The following ZDHHC16 variants were observed in gnomAD, a reference collection of about 807,000 sequenced individuals.
ZDHHC16 encodes the protein palmitoyltransferase ZDHHC16.
In ZDHHC16, 33 loss-of-function variants were observed where a neutral mutation model predicts 54.4. The observed-to-expected ratio is 0.61, with a 90% CI of 0.46 to 0.81. The LOEUF (loss-of-function observed/expected upper bound fraction) is 0.81, where lower values mean the gene tolerates loss of function less well. Among genes scored for constraint, ZDHHC16 ranks in the 30% least tolerant of loss-of-function variants. ZDHHC16 has a pLI of 0.00. For missense variants in ZDHHC16, 420 were observed against 485.9 expected (o/e 0.86, Z 1.28); for synonymous variants, 185 against 182.1 (o/e 1.02, Z -0.13).
rs1846693652 is a variant in ZDHHC16, at chr10:97,452,123, T to A, written c.277T>A (p.Ser93Thr). ...FVVLVIVLTG[S>T]IVAIAYLCVL... ...GGTCCTGGTGATCGTGCTGACAGGC[T>A]CCATTGTAGCTATCGCCTACCTGTG... The change falls in exon 4 of 12, where the codon TCC (serine) becomes ACC (threonine). Residue 93 changes from serine to threonine, a missense_variant. Transcript: ENST00000393760. 1 of 1,614,008 alleles carries A rather than the reference T, an allele frequency of 6.2e-7. No homozygotes were observed. The highest frequency in any genetic ancestry group is 1.3e-5 in the African/African-American group (1 of 75,046).
At chr10:97,453,396 CT>C (rs1245240615) in intron 6 of ZDHHC16, 133 bp from the exon 7 acceptor site, 15 of 1,294,120 alleles carry the variant, frequency 1.2e-5, no homozygotes, top group Non-Finnish European at 1.5e-5. Context: ...ATTTTCTTGC[CT>C]TTGGAAAGTA....
Position 97,452,411 on chromosome 10 carries a change from A to G in ZDHHC16, c.439-4A>G, listed in dbSNP as rs781451893. The G allele has an allele frequency of 3.7e-6, 6 of 1,614,036 alleles. No individual in the cohort carries two copies. The highest frequency in any genetic ancestry group is 3.3e-4 in the Middle Eastern group (2 of 6,060). ...CTGCCACGTTATGCTCTCCCTTCAC[A>G]CAGGGCAGGAATGATATCGCCACCG... On this transcript the variant is annotated splice_region_variant and splice_polypyrimidine_tract_variant and intron_variant, in intron 4 of 11. Transcript: ENST00000393760.
intron 1 of ZDHHC16, among the ~76,000 whole-genome samples, chr10:97,446,917 C>T (rs1047933655): frequency 6.6e-6 from 1 of 152,218 alleles, no homozygotes; most frequent in Non-Finnish European, 1.5e-5. Flanking sequence ...CGGGGTTTCA[C>T]CATGTTAGCC....
intron 1 of ZDHHC16, among the ~76,000 whole-genome samples, chr10:97,447,778 C>A (rs181757191): frequency 6.6e-6 from 1 of 152,096 alleles, no homozygotes; most frequent in Non-Finnish European, 1.5e-5. Flanking sequence ...ACAAAATTAG[C>A]CAGGCGTGGT....
intron 9 of ZDHHC16, 126 bp downstream of exon 9, chr10:97,454,925 G>C: frequency 2.6e-6 from 2 of 776,466 alleles, no homozygotes; most frequent in Non-Finnish European, 4.3e-6. Context: ...TAGGTTGGCA[G>C]AGAGCCAGCA....
At chr10:97,453,925 G>A (rs1308598130) in intron 8 of ZDHHC16, 79 bp downstream of exon 8, 9 of 1,593,112 alleles carry the variant, frequency 5.6e-6, no homozygotes, top group Admixed American at 1.7e-5. Flanking sequence ...GGGCCGACCT[G>A]CCCATGTAGT....
chr10:97,452,034 T>C, intron 3 of ZDHHC16, 56 bp from the exon 4 acceptor site: 1 of 1,605,960 alleles, frequency 6.2e-7, no homozygotes, highest in South Asian at 1.1e-5. Flanking sequence ...AAACTCCGAG[T>C]CTCCTTTGGG....
chr10:97,452,531 TC>T, intron 5 of ZDHHC16, 28 bp downstream of exon 5: 1 of 1,608,190 alleles, frequency 6.2e-7, no homozygotes, highest in Non-Finnish European at 8.5e-7. Context: ...TCTCTGGGAA[TC>T]CCAGCTGTGG....
intron 2 of ZDHHC16, 24 bp from the exon 3 acceptor site, chr10:97,451,647 C>A: frequency 6.3e-7 from 1 of 1,592,946 alleles, no homozygotes; most frequent in Non-Finnish European, 8.5e-7. Context: ...CAGACTAGAT[C>A]CTCACAATGG....
intron 1 of ZDHHC16, among the ~76,000 whole-genome samples, chr10:97,447,255 T>C (rs1010925801): frequency 3.3e-5 from 5 of 152,266 alleles, no homozygotes; most frequent in Admixed American, 2.6e-4. Flanking sequence ...TATCTCCTAC[T>C]TGAGATTGCA....
Position 97,454,765 on chromosome 10 carries a change from C to T in ZDHHC16, c.790C>T (p.His264Tyr). Residue 264 changes from histidine (H) to tyrosine (Y), a missense_variant, in exon 9 of 12, where the codon CAC becomes TAC. Physicochemically the swap from His to Tyr is moderately conservative, Grantham distance 83. Coordinates refer to ENST00000393760, the MANE Select transcript of ZDHHC16 (RefSeq NM_198046.3). ...CTTCTCCTTTCGAGAAAGGATGACTCACAAGAGTCTTGTCTACCTCTGGTT... is the reference window on the plus strand; with the variant it reads ...CTTCTCCTTTCGAGAAAGGATGACTTACAAGAGTCTTGTCTACCTCTGGTT... ...PTFSFRERMT[H>Y]KSLVYLWFLC... 6.2e-7 allele frequency: 1 copy of T among 1,614,210 alleles called. No individual in the cohort carries two copies. The highest frequency in any genetic ancestry group is 8.5e-7 in the Non-Finnish European group (1 of 1,180,032).
Position 97,457,059 on chromosome 10 carries a change from G to C in ZDHHC16, c.*168G>C. 1 of 448,864 alleles carries C rather than the reference G, an allele frequency of 2.2e-6. No individual in the cohort carries two copies. Among genetic ancestry groups the C allele is most frequent in the East Asian group, 3.4e-5 (1 of 29,080 alleles). 27.8% of individuals were successfully genotyped at this position (448,864 alleles called of 1,614,324 possible). A position where few individuals can be genotyped will look rare whatever the true frequency, so the allele number is the denominator to read the frequency against. ...GACCAGCCTTTTTACCACTGCAGAAGAAAGACACAATGTGGAGAAATCTTA... is the reference window on the plus strand; with the variant it reads ...GACCAGCCTTTTTACCACTGCAGAACAAAGACACAATGTGGAGAAATCTTA... On this transcript the variant is annotated 3_prime_UTR_variant, in exon 12 of 12. Transcript: ENST00000393760.
Position 97,451,888 on chromosome 10 carries a change from G to A in ZDHHC16, c.213G>A (p.Leu71=), listed in dbSNP as rs1455528916. The part of the protein sequence containing the change: ...VDAAFEPVYW[L]VDNVIRWFGV... ...CTGCCTTTGAGCCTGTCTACTGGCT[G>A]GTAGACAACGTGATCCGCTGGTTTG... is the stretch of plus-strand genomic sequence containing the variant. The change falls in exon 3 of 12, where the codon CTG becomes CTA. Residue 71 remains leucine, a synonymous_variant. Transcript: ENST00000393760. 5 of 1,613,424 alleles carry A rather than the reference G, an allele frequency of 3.1e-6. No homozygotes were observed. The highest frequency in any genetic ancestry group is 2.7e-5 in the African/African-American group (2 of 74,928).
At chr10:97,455,625 A>G (rs761762741) in intron 9 of ZDHHC16, 35 bp from the exon 10 acceptor site, 6 of 1,614,202 alleles carry the variant, frequency 3.7e-6, no homozygotes, top group Middle Eastern at 1.6e-4. Context: ...AGCCCTCTCT[A>G]AACTACCCAC....
At chr10:97,451,554 C>A in intron 2 of ZDHHC16, 117 bp from the exon 3 acceptor site, 1 of 1,414,062 alleles carries the variant, frequency 7.1e-7, no homozygotes, top group Non-Finnish European at 9.5e-7. Context: ...TGGTGACTGG[C>A]CTAGCTGGGT....
At chr10:97,450,148 G>A (rs1846488782) in intron 1 of ZDHHC16, among the ~76,000 whole-genome samples, 1 of 152,090 alleles carries the variant, frequency 6.6e-6, no homozygotes, top group Non-Finnish European at 1.5e-5. Context: ...TGGGATTACA[G>A]GCGTGAGCCA....
intron 11 of ZDHHC16, 80 bp from the exon 12 acceptor site, chr10:97,456,697 G>C (rs1847278081): frequency 9.7e-7 from 1 of 1,027,302 alleles, no homozygotes; most frequent in South Asian, 1.8e-5. Context: ...AGGATACCTT[G>C]ATGTATGCTT....
intron 2 of ZDHHC16, 30 bp from the exon 3 acceptor site, chr10:97,451,641 C>T: frequency 6.3e-7 from 1 of 1,588,510 alleles, no homozygotes; most frequent in Non-Finnish European, 8.6e-7. Context: ...AGGGCTCAGA[C>T]TAGATCCTCA....
intron 11 of ZDHHC16, 139 bp downstream of exon 11, chr10:97,456,183 T>C: frequency 1.1e-6 from 1 of 914,376 alleles, no homozygotes. Context: ...GAGATCATTG[T>C]CCATTTGAAC....
Sources: gnomAD v4.1 joint callset for allele counts (sites outside exome capture counted in the v4.1 genomes callset) on GRCh38, gnomAD v4.1.1 for gene constraint, MANE v1.5 for transcripts, NCBI Gene and HGNC (gene_info 2026-07-23, HGNC 2026-07-21) for gene names.